The following ANXA11 variants were observed in gnomAD, a reference collection of about 807,000 sequenced individuals.
The protein encoded by ANXA11 is 56 kDa autoantigen.
ANXA11 carries 57 observed loss-of-function variants against 64.7 expected under a neutral mutation model. The observed-to-expected ratio is 0.88, with a 90% CI of 0.71 to 1.10. The LOEUF (loss-of-function observed/expected upper bound fraction) is 1.10. Among genes scored for constraint, ANXA11 ranks in the 50% least tolerant of loss-of-function variants. The pLI is 0.00. For missense variants in ANXA11, 675 were observed against 670.7 expected (o/e 1.01, Z -0.07); for synonymous variants, 260 against 265.2 (o/e 0.98, Z 0.19).
chr10:80,163,375 T>G lies in ANXA11; in HGVS notation c.1060A>C (p.Met354Leu), dbSNP rs780362716. Residue 354 changes from methionine (M) to leucine (L), a missense_variant, in exon 11 of 16, where the codon ATG becomes CTG. Transcript: ENST00000422982. ...GNRDESTNVD[M>L]SLAQRDAQEL... ...TGGGCATCTCTCTGGGCGAGTGACA[T>G]GTCCACGTTTGTGCTTTCATCACGG... is the stretch of plus-strand genomic sequence containing the variant. The G allele has an allele frequency of 6.2e-7, 1 of 1,613,800 alleles. No individual in the cohort carries two copies. The highest frequency in any genetic ancestry group is 8.5e-7 in the Non-Finnish European group (1 of 1,180,048).
In ANXA11 at chr10:80,169,442, C is replaced by T. The variant is rs1302092914; in HGVS notation, c.172-84G>A. On this transcript the variant is annotated intron_variant, in intron 4 of 15. Transcript: ENST00000422982. Reference sequence around the variant, plus strand: ...ACCCTTTTTCATACCTAAGCCAAGTCAGTCCTCACAGCATCTCCGCTTGTG... The same window carrying T: ...ACCCTTTTTCATACCTAAGCCAAGTTAGTCCTCACAGCATCTCCGCTTGTG... The T allele has an allele frequency of 3.4e-6, 5 of 1,463,794 alleles. No individual in the cohort carries two copies. In the South Asian group the frequency reaches 5.9e-5, roughly 17 times the overall value. The allele number at this position is 1,463,794 out of a possible 1,614,324, so 90.7% of individuals were successfully genotyped here. A position where few individuals can be genotyped will look rare whatever the true frequency, so the allele number is the denominator to read the frequency against.
At chr10:80,202,988 G>A (rs1413791716) in intron 1 of ANXA11, among the ~76,000 whole-genome samples, 5 of 147,728 alleles carry the variant, frequency 3.4e-5, no homozygotes, top group Non-Finnish European at 5.9e-5. Flanking sequence ...GGAGGTTGCA[G>A]TGAGCCAAGA....
At chr10:80,203,805 AG>A (rs1840555108) in intron 1 of ANXA11, among the ~76,000 whole-genome samples, 1 of 152,140 alleles carries the variant, frequency 6.6e-6, no homozygotes, top group African/African-American at 2.4e-5. Context: ...CAGGGGAGGG[AG>A]GGCATTCCAG....
At chr10:80,188,358 C>T (rs866817326) in intron 1 of ANXA11, among the ~76,000 whole-genome samples, 2 of 151,896 alleles carry the variant, frequency 1.3e-5, no homozygotes, top group South Asian at 2.1e-4. Flanking sequence ...TCTAGCTCTA[C>T]CTCTTGTTAG....
At chr10:80,157,288 A>G in intron 15 of ANXA11, 1 of 985,432 alleles carries the variant, frequency 1.0e-6, no homozygotes, top group Non-Finnish European at 1.2e-6. Context: ...GTGCTTTGTC[A>G]GGGAGTGACA....
intron 1 of ANXA11, among the ~76,000 whole-genome samples, chr10:80,190,881 A>C (rs556071795): frequency 6.6e-6 from 1 of 151,800 alleles, no homozygotes; most frequent in East Asian, 2.0e-4. Flanking sequence ...GCATGAGGCC[A>C]GGAGTTTGAG....
chr10:80,184,794 T>C (rs1846482847), intron 1 of ANXA11, among the ~76,000 whole-genome samples: 1 of 152,168 alleles, frequency 6.6e-6, no homozygotes, highest in Admixed American at 6.5e-5. Context: ...CTCTACCTAG[T>C]GGTGATGCTG....
intron 3 of ANXA11, chr10:80,171,125 G>A: frequency 1.4e-6 from 2 of 1,477,184 alleles, no homozygotes; most frequent in Middle Eastern, 1.8e-4. Context: ...CCTCTTCCCA[G>A]GGAGGAAGGT....
chr10:80,165,855 T>C (rs1233344251), intron 8 of ANXA11, among the ~76,000 whole-genome samples: 3 of 152,164 alleles, frequency 2.0e-5, no homozygotes, highest in Non-Finnish European at 4.4e-5. Flanking sequence ...TGATGACTGG[T>C]GCGTCATTTG....
At chr10:80,204,204 C>T (rs1589461340) in intron 1 of ANXA11, among the ~76,000 whole-genome samples, 1 of 152,252 alleles carries the variant, frequency 6.6e-6, no homozygotes, top group Non-Finnish European at 1.5e-5. Flanking sequence ...AGTGGGCACC[C>T]AATGCCAGGG....
chr10:80,184,201 C>T (rs1438477138), intron 1 of ANXA11, among the ~76,000 whole-genome samples: 1 of 152,188 alleles, frequency 6.6e-6, no homozygotes, highest in African/African-American at 2.4e-5. Context: ...TCATCTGTAA[C>T]TGTTCATATC....
intron 3 of ANXA11, chr10:80,171,896 T>C (rs576871184): frequency 2.0e-6 from 2 of 985,544 alleles, no homozygotes; most frequent in South Asian, 4.7e-5. Context: ...GGTGGGCTCA[T>C]TCAGAGGGCA....
At chr10:80,156,066 A>T (rs1172092177) in intron 15 of ANXA11, among the ~76,000 whole-genome samples, 154 bp from the exon 16 acceptor site, 1 of 152,186 alleles carries the variant, frequency 6.6e-6, no homozygotes, top group Non-Finnish European at 1.5e-5. Flanking sequence ...GGCGTCACAG[A>T]CCTTAAAAAA....
intron 2 of ANXA11, among the ~76,000 whole-genome samples, chr10:80,175,338 C>T (rs1846131439): frequency 6.6e-6 from 1 of 152,142 alleles, no homozygotes; most frequent in Admixed American, 6.5e-5. Context: ...CTGTCACCTT[C>T]CTCTCTGGAG....
intron 8 of ANXA11, 26 bp downstream of exon 8, chr10:80,166,058 A>G (rs778750896): frequency 1.3e-5 from 16 of 1,276,832 alleles, no homozygotes; most frequent in African/African-American, 1.2e-4. Flanking sequence ...ACACACACAC[A>G]CACACACACA....
intron 1 of ANXA11, among the ~76,000 whole-genome samples, chr10:80,203,917 G>A (rs1430590663): frequency 1.3e-5 from 2 of 152,154 alleles, no homozygotes; most frequent in African/African-American, 4.8e-5. Context: ...ACTATTTATT[G>A]ACCCTTACAC....
At chr10:80,185,707 A>G (rs1054294034) in intron 1 of ANXA11, among the ~76,000 whole-genome samples, 3 of 152,226 alleles carry the variant, frequency 2.0e-5, no homozygotes, top group Admixed American at 6.5e-5. Flanking sequence ...TATCCTTCTC[A>G]TATCAGAAAT....
intron 4 of ANXA11, among the ~76,000 whole-genome samples, chr10:80,170,344 T>C (rs774064599): frequency 6.6e-6 from 1 of 152,232 alleles, no homozygotes; most frequent in Non-Finnish European, 1.5e-5. Flanking sequence ...AAATGTATTA[T>C]TTTAAAAGTG....
rs1845157087 is a variant in ANXA11, at chr10:80,151,528, G to C, written c.*4325C>G. ...TTCCACTCCATCTCGGCCAGGGCAG[G>C]AAAGAGCCTACAGCAGAAATAAGGA... On this transcript the variant is annotated 3_prime_UTR_variant, in exon 16 of 16. Coordinates refer to ENST00000422982, the MANE Select transcript of ANXA11 (RefSeq NM_145868.2). 6.6e-6 allele frequency: 1 copy of C among 152,192 alleles called. No homozygotes were observed. Among genetic ancestry groups the C allele is most frequent in the Non-Finnish European group, 1.5e-5 (1 of 68,042 alleles). The allele number at this position is 152,192 out of a possible 1,614,324, so 9.4% of individuals were successfully genotyped here.
Sources: allele counts gnomAD v4.1 joint callset (sites outside exome capture counted in the v4.1 genomes callset), GRCh38; gene constraint gnomAD v4.1.1; transcripts MANE v1.5; gene names NCBI Gene and HGNC (gene_info 2026-07-23, HGNC 2026-07-21).